KIF13A: variants seen among roughly 807,000 people sequenced by gnomAD.
KIF13A encodes the protein kinesin family member 13A, also known as kinesin-like protein KIF13A.
In KIF13A, 79 loss-of-function variants were observed where a neutral mutation model predicts 212.2. The observed-to-expected ratio is 0.37, with a 90% CI of 0.31 to 0.45. The LOEUF (loss-of-function observed/expected upper bound fraction) is 0.45, where lower values mean the gene tolerates loss of function less well. KIF13A is among the 20% of genes least tolerant of loss of function. KIF13A has a pLI of 1.00. For missense variants in KIF13A, 1,901 were observed against 2,209.0 expected (o/e 0.86, Z 2.79); for synonymous variants, 789 against 808.6 (o/e 0.98, Z 0.41).
At chr6:17,901,355 T>A (rs1055286406) in intron 2 of KIF13A, among the ~76,000 whole-genome samples, 7 of 152,242 alleles carry the variant, frequency 4.6e-5, no homozygotes, top group South Asian at 2.1e-4. Context: ...AATAAAAAAA[T>A]TCATATACTT....
chr6:17,834,190 T>C lies in KIF13A; in HGVS notation c.1156-119A>G. 1.6e-6 allele frequency: 1 copy of C among 614,424 alleles called. No homozygotes were observed. Among genetic ancestry groups the C allele is most frequent in the Non-Finnish European group, 2.7e-6 (1 of 364,376 alleles). The allele number at this position is 614,424 out of a possible 1,614,324, so 38.1% of individuals were successfully genotyped here. ...TAGTCTGTTGGAAAAAATTAAGTTA[T>C]ATGCTGTTAGGGTGGGTTTTTAACC... is the stretch of plus-strand genomic sequence containing the variant. On this transcript the variant is annotated intron_variant, in intron 11 of 38. Transcript: ENST00000259711. The surrounding 1 kb of genome is among the most constrained non-coding windows in gnomAD (Gnocchi z 4.0).
At chr6:17,805,856 A>C (rs900890191) in intron 18 of KIF13A, among the ~76,000 whole-genome samples, 6 of 151,476 alleles carry the variant, frequency 4.0e-5, no homozygotes, top group Non-Finnish European at 7.4e-5. Flanking sequence ...TCATACCCCA[A>C]TCCTCTCTCC....
intron 2 of KIF13A, among the ~76,000 whole-genome samples, chr6:17,944,875 A>G (rs1055679837): frequency 2.6e-5 from 4 of 152,224 alleles, no homozygotes; most frequent in South Asian, 4.1e-4. Flanking sequence ...AGACAAAAAA[A>G]GATATCAGAA....
In KIF13A at chr6:17,769,723, A is replaced by C. The variant is rs1390853208; in HGVS notation, c.4581+1391T>G. On this transcript the variant is annotated intron_variant, in intron 38 of 38. Transcript: ENST00000259711. The surrounding 1 kb of genome is among the most constrained non-coding windows in gnomAD (Gnocchi z 5.8). ...AGTGTCATGCCAATAAACAGATCCA[A>C]TCAGACACAGAGCCAGAGAATTGGC... 6.6e-6 allele frequency among the ~76,000 whole-genome samples: 1 copy of C among 152,170 alleles called. No individual in the cohort carries two copies. The highest frequency in any genetic ancestry group is 2.4e-5 in the African/African-American group (1 of 41,430).
At chr6:17,830,723 A>AT (rs1765373843) in intron 13 of KIF13A, among the ~76,000 whole-genome samples, 1 of 151,906 alleles carries the variant, frequency 6.6e-6, no homozygotes, top group Non-Finnish European at 1.5e-5. Context: ...TCTCCTTGGA[A>AT]TTACTCAGAA....
intron 2 of KIF13A, among the ~76,000 whole-genome samples, chr6:17,977,362 TTGCAAAGA>T (rs1561831727): frequency 6.6e-6 from 1 of 152,168 alleles, no homozygotes; most frequent in Non-Finnish European, 1.5e-5. Flanking sequence ...TGTCATACAA[TTGCAAAGA>T]TGTATTTTTG....
At chr6:17,864,811 T>A (rs1769197604) in intron 4 of KIF13A, among the ~76,000 whole-genome samples, 2 of 152,234 alleles carry the variant, frequency 1.3e-5, no homozygotes, top group South Asian at 4.1e-4. Flanking sequence ...TTTGAAAAGC[T>A]AACACCCTTG....
intron 2 of KIF13A, among the ~76,000 whole-genome samples, chr6:17,933,632 A>AT (rs577060546): frequency 1.6e-4 from 25 of 151,656 alleles, no homozygotes; most frequent in East Asian, 5.8e-4. Flanking sequence ...AACAATTTAG[A>AT]TTTTTTTTTA....
At chr6:17,891,197 A>G (rs1056081776) in intron 3 of KIF13A, among the ~76,000 whole-genome samples, 14 of 152,208 alleles carry the variant, frequency 9.2e-5, no homozygotes, top group African/African-American at 3.4e-4. Flanking sequence ...ATCATAATAC[A>G]CAACTGGTAA....
Position 17,987,603 on chromosome 6 carries a change from C to G in KIF13A, c.-140G>C. ...CGCCGTGAGCTCCGAGAGGCAGCGC[C>G]GAGGCGCGCGGGCCATCCCGGGGGA... On this transcript the variant is annotated 5_prime_UTR_variant, in exon 1 of 39. Transcript: ENST00000259711. This position sits in a 1 kb window ranked among gnomAD's most constrained non-coding sequence, Gnocchi z 7.7. 3.4e-6 allele frequency: 1 copy of G among 296,224 alleles called. No homozygotes were observed. Among genetic ancestry groups the G allele is most frequent in the Non-Finnish European group, 4.9e-6 (1 of 203,580 alleles). The allele number at this position is 296,224 out of a possible 1,614,324, so 18.3% of individuals were successfully genotyped here. A position where few individuals can be genotyped will look rare whatever the true frequency, so the allele number is the denominator to read the frequency against.
chr6:17,892,807 C>T lies in KIF13A; in HGVS notation c.159+5361G>A, dbSNP rs1286995290. Among the ~76,000 whole-genome samples the T allele has an allele frequency of 6.6e-6, 1 of 152,206 alleles. No individual in the cohort carries two copies. Among genetic ancestry groups the T allele is most frequent in the African/African-American group, 2.4e-5 (1 of 41,456 alleles). On this transcript the variant is annotated intron_variant, in intron 3 of 38. Transcript: ENST00000259711. This position sits in a 1 kb window ranked among gnomAD's most constrained non-coding sequence, Gnocchi z 4.7. ...ACAGAAAGGGCAGAGAGGCTTCATG[C>T]TGCCTTGCCCTATGCATTGCTGCCA...
rs1774299586 is a variant in KIF13A at position 17,914,123 on chromosome 6, A to T, written c.147-15943T>A. Among the ~76,000 whole-genome samples the T allele has an allele frequency of 6.6e-6, 1 of 152,258 alleles. No individual in the cohort carries two copies. On this transcript the variant is annotated intron_variant, in intron 2 of 38. Coordinates refer to ENST00000259711, the MANE Select transcript of KIF13A (RefSeq NM_022113.6). This position sits in a 1 kb window ranked among gnomAD's most constrained non-coding sequence, Gnocchi z 5.9. ...CTTTATCACAGATGTTTCGAGAAGCACATAATCCAAGGCCATTTCTTAGTC... is the reference window on the plus strand; with the variant it reads ...CTTTATCACAGATGTTTCGAGAAGCTCATAATCCAAGGCCATTTCTTAGTC...
intron 16 of KIF13A, chr6:17,821,894 T>C (rs1236848419): frequency 6.5e-7 from 1 of 1,535,390 alleles, no homozygotes; most frequent in South Asian, 1.2e-5. Context: ...AGGCTTATTA[T>C]CGGGAAGCCA....
At chr6:17,958,876 C>CTTTTTTTT (rs398000716) in intron 2 of KIF13A, among the ~76,000 whole-genome samples, 12 of 83,084 alleles carry the variant, frequency 1.4e-4, no homozygotes, top group Admixed American at 3.1e-4. Context: ...TTTTCTTTTT[C>CTTTTTTTT]TTTTTTTTTT....
chr6:17,889,802 A>C (rs1771880075), intron 3 of KIF13A, among the ~76,000 whole-genome samples: 1 of 152,156 alleles, frequency 6.6e-6, no homozygotes, highest in African/African-American at 2.4e-5. Context: ...CGGTTTAGCC[A>C]ATTAAGCATC....
chr6:17,916,106 T>C (rs745537742), intron 2 of KIF13A, among the ~76,000 whole-genome samples: 1 of 152,134 alleles, frequency 6.6e-6, no homozygotes, highest in Non-Finnish European at 1.5e-5. Context: ...TCTCTGCCAA[T>C]GACATGTCTG....
chr6:17,874,284 T>A (rs1456287314), intron 3 of KIF13A, among the ~76,000 whole-genome samples: 3 of 41,636 alleles, frequency 7.2e-5, no homozygotes, highest in Non-Finnish European at 1.6e-4. Context: ...TTTGTTTTTG[T>A]TTTTTGGTGG....
intron 4 of KIF13A, among the ~76,000 whole-genome samples, chr6:17,862,674 C>T (rs369720325): frequency 3.9e-5 from 6 of 152,162 alleles, no homozygotes; most frequent in African/African-American, 1.4e-4. Context: ...ATGAGCCGGG[C>T]ATGGTGGTTC....
At chr6:17,964,452 T>C (rs1030467393) in intron 2 of KIF13A, among the ~76,000 whole-genome samples, 10 of 152,054 alleles carry the variant, frequency 6.6e-5, no homozygotes, top group Non-Finnish European at 1.3e-4. Flanking sequence ...AATATATATA[T>C]ATATTTAGAA....
Sources: gnomAD v4.1 joint callset for allele counts (sites outside exome capture counted in the v4.1 genomes callset) on GRCh38, gnomAD v4.1.1 for gene constraint, Gnocchi (gnomAD v3.1) non-coding constraint, MANE v1.5 for transcripts, NCBI Gene and HGNC (gene_info 2026-07-23, HGNC 2026-07-21) for gene names.